The following GRIA2 variants were observed in gnomAD, a reference collection of about 807,000 sequenced individuals.
The protein encoded by GRIA2 is glutamate ionotropic receptor AMPA type subunit 2.
GRIA2 carries 14 observed loss-of-function variants against 97.3 expected under a neutral mutation model. The observed-to-expected ratio is 0.14, with a 90% CI of 0.10 to 0.23. The LOEUF (loss-of-function observed/expected upper bound fraction) is 0.23, where lower values mean the gene tolerates loss of function less well. Among genes scored for constraint, GRIA2 ranks in the 10% least tolerant of loss-of-function variants. The pLI, the probability that GRIA2 is intolerant of heterozygous loss-of-function variation, is 1.00. For missense variants in GRIA2, 558 were observed against 1,069.8 expected (o/e 0.52, Z 6.67); for synonymous variants, 412 against 387.8 (o/e 1.06, Z -0.73).
chr4:157,235,697 C>T (rs1730213666), intron 2 of GRIA2, among the ~76,000 whole-genome samples: 1 of 151,826 alleles, frequency 6.6e-6, no homozygotes, highest in African/African-American at 2.4e-5. Flanking sequence ...CAATTTTTCG[C>T]ATCATATTTG....
In GRIA2 at chr4:157,336,650, A is replaced by T; in HGVS notation, c.1747A>T (p.Thr583Ser). The T allele has an allele frequency of 6.2e-7, 1 of 1,613,312 alleles. No individual in the cohort carries two copies. The highest frequency in any genetic ancestry group is 8.5e-7 in the Non-Finnish European group (1 of 1,179,472). ...HTEEFEDGRE[T>S]QSSESTNEFG... ...TGAGGAGTTTGAAGATGGAAGAGAAACACAAAGTAGTGAATCAACTAATGA... is the reference window on the plus strand; with the variant it reads ...TGAGGAGTTTGAAGATGGAAGAGAATCACAAAGTAGTGAATCAACTAATGA... Residue 583 changes from threonine to serine, a missense_variant, in exon 11 of 16, where the codon ACA (threonine) becomes TCA (serine). Thr to Ser is a moderately conservative substitution (Grantham distance 58, BLOSUM62 1). Transcript: ENST00000264426.
intron 3 of GRIA2, among the ~76,000 whole-genome samples, chr4:157,304,115 G>C (rs900336245): frequency 2.6e-5 from 4 of 152,178 alleles, no homozygotes; most frequent in Non-Finnish European, 5.9e-5. Flanking sequence ...CTAGTCCAAG[G>C]TGAATGAAGT....
At chr4:157,338,378 G>C (rs1735400903) in intron 11 of GRIA2, among the ~76,000 whole-genome samples, 1 of 151,852 alleles carries the variant, frequency 6.6e-6, no homozygotes, top group Non-Finnish European at 1.5e-5. Flanking sequence ...AGTCTGGCCT[G>C]GGTTCCAGTA....
intron 2 of GRIA2, among the ~76,000 whole-genome samples, chr4:157,283,668 A>G (rs1732709736): frequency 6.6e-6 from 1 of 151,842 alleles, no homozygotes; most frequent in Admixed American, 6.6e-5. Context: ...ATATTTTAAT[A>G]TTTGCAATTC....
At chr4:157,306,797 T>G (rs984001641) in intron 3 of GRIA2, among the ~76,000 whole-genome samples, 4 of 152,214 alleles carry the variant, frequency 2.6e-5, no homozygotes, top group African/African-American at 9.6e-5. Context: ...ATTCATACAT[T>G]TAGTGTGTGA....
chr4:157,286,596 T>C (rs1437331152), intron 2 of GRIA2, among the ~76,000 whole-genome samples: 1 of 151,560 alleles, frequency 6.6e-6, no homozygotes, highest in East Asian at 1.9e-4. Flanking sequence ...TATTTATTTG[T>C]CTTTCATAAT....
rs1034326434 is a variant in GRIA2 at position 157,284,467 on chromosome 4, A to T, written c.230-19085A>T. Among the ~76,000 whole-genome samples the T allele has an allele frequency of 2.6e-5, 4 of 151,650 alleles. No homozygotes were observed. The Admixed American group carries it at 2.6e-4, about 10-fold the overall frequency. The stretch of plus-strand genomic sequence containing the variant: ...TTCAAATCATTTTATTAAATATGTC[A>T]GACCTACACACAGTTATACAGCATA... On this transcript the variant is annotated intron_variant, in intron 2 of 15. Transcript: ENST00000264426.
chr4:157,289,383 C>T (rs1369188206), intron 2 of GRIA2, among the ~76,000 whole-genome samples: 1 of 151,728 alleles, frequency 6.6e-6, no homozygotes, highest in Non-Finnish European at 1.5e-5. Flanking sequence ...AAACATGTTA[C>T]AATTGTCTAG....
intron 2 of GRIA2, among the ~76,000 whole-genome samples, chr4:157,222,575 G>C (rs1729550075): frequency 1.3e-5 from 2 of 152,202 alleles, no homozygotes; most frequent in Non-Finnish European, 2.9e-5. Context: ...CAGGGGCGCC[G>C]CGGTCAGCTT....
intron 2 of GRIA2, among the ~76,000 whole-genome samples, chr4:157,296,546 A>C (rs1051633484): frequency 7.0e-4 from 107 of 152,264 alleles, no homozygotes; most frequent in African/African-American, 2.5e-3. Context: ...GTACATCTCT[A>C]TATATTATCT....
intron 12 of GRIA2, among the ~76,000 whole-genome samples, chr4:157,359,496 A>G (rs879405385): frequency 6.6e-6 from 1 of 152,120 alleles, no homozygotes; most frequent in Admixed American, 6.6e-5. Context: ...CCCACATTAC[A>G]CAGATCCTGT....
intron 2 of GRIA2, among the ~76,000 whole-genome samples, chr4:157,255,127 A>G (rs1358304183): frequency 1.3e-5 from 2 of 151,822 alleles, no homozygotes; most frequent in African/African-American, 4.8e-5. Flanking sequence ...CTCTATGGCC[A>G]TGTTGTTCAG....
chr4:157,256,704 A>G (rs1579309443), intron 2 of GRIA2, among the ~76,000 whole-genome samples: 1 of 152,056 alleles, frequency 6.6e-6, no homozygotes, highest in East Asian at 1.9e-4. Context: ...TCCCTATAGT[A>G]TGATACTTAA....
intron 6 of GRIA2, among the ~76,000 whole-genome samples, chr4:157,331,146 A>G (rs1735030281): frequency 6.6e-6 from 1 of 151,998 alleles, no homozygotes; most frequent in South Asian, 2.1e-4. Flanking sequence ...AAATGGTAAT[A>G]GGCTTAAGAC....
intron 6 of GRIA2, among the ~76,000 whole-genome samples, chr4:157,332,325 A>G (rs1735086410): frequency 6.6e-6 from 1 of 152,038 alleles, no homozygotes; most frequent in Non-Finnish European, 1.5e-5. Context: ...GCCTAAGTAG[A>G]CACCCCTAAA....
At chr4:157,317,837 G>A (rs1279064414) in intron 5 of GRIA2, 126 bp downstream of exon 5, 1 of 503,440 alleles carries the variant, frequency 2.0e-6, no homozygotes, top group Non-Finnish European at 3.6e-6. Context: ...TTAGCCAGGT[G>A]TAGTGGTGGG....
chr4:157,331,666 A>G (rs772629359), intron 6 of GRIA2, among the ~76,000 whole-genome samples: 84 of 152,016 alleles, frequency 5.5e-4, no homozygotes, highest in Non-Finnish European at 1.0e-3. Context: ...TCTCAGGTGA[A>G]CAACAGAGTA....
At chr4:157,330,725 G>A (rs1346876263) in intron 6 of GRIA2, among the ~76,000 whole-genome samples, 1 of 151,866 alleles carries the variant, frequency 6.6e-6, no homozygotes, top group Non-Finnish European at 1.5e-5. Context: ...AAGCACATTT[G>A]GAAAATGGAC....
chr4:157,258,068 G>T (rs979460555), intron 2 of GRIA2, among the ~76,000 whole-genome samples: 1 of 151,942 alleles, frequency 6.6e-6, no homozygotes, highest in Admixed American at 6.6e-5. Context: ...ATCTTCCTAA[G>T]CTGAGGATGT....
Sources: gnomAD v4.1 joint callset for allele counts (sites outside exome capture counted in the v4.1 genomes callset) on GRCh38, gnomAD v4.1.1 for gene constraint, MANE v1.5 for transcripts, NCBI Gene and HGNC (gene_info 2026-07-23, HGNC 2026-07-21) for gene names.